SMIM23: variants seen among roughly 807,000 people sequenced by gnomAD.
SMIM23 encodes the protein small integral membrane protein 23.
SMIM23 carries 10 observed loss-of-function variants against 12.8 expected under a neutral mutation model. The ratio of observed to expected loss-of-function variants is 0.78; its 90% CI spans 0.48 to 1.32. The LOEUF (loss-of-function observed/expected upper bound fraction) is 1.32, where lower values mean the gene tolerates loss of function less well. Ranked by LOEUF, SMIM23 falls within the 40% of genes most tolerant of loss-of-function variation. SMIM23 has a pLI of 0.00. For synonymous variants in SMIM23, 78 were observed against 80.1 expected (o/e 0.97, Z 0.14); for missense variants, 184 against 198.2 (o/e 0.93, Z 0.43).
chr5:171,777,839 T>C (rs369139903), upstream of SMIM23, among the ~76,000 whole-genome samples: 7 of 152,222 alleles, frequency 4.6e-5, no homozygotes, highest in East Asian at 9.7e-4. Flanking sequence ...TGACACAGCC[T>C]TGTCTCCCAC....
upstream of SMIM23, among the ~76,000 whole-genome samples, chr5:171,785,651 C>T (rs995334780): frequency 6.6e-6 from 1 of 152,102 alleles, no homozygotes; most frequent in Non-Finnish European, 1.5e-5. Context: ...TCTTTTGATG[C>T]ATTTCTTCCT....
upstream of SMIM23, among the ~76,000 whole-genome samples, chr5:171,780,526 T>A (rs1043207429): frequency 2.0e-5 from 3 of 152,244 alleles, no homozygotes; most frequent in Non-Finnish European, 4.4e-5. Flanking sequence ...GTGACTGTAA[T>A]TCATTACTTT....
Position 171,790,284 on chromosome 5 carries a change from G to C in SMIM23, c.157+3G>C. The C allele has an allele frequency of 6.5e-7, 1 of 1,536,124 alleles. No homozygotes were observed. The highest frequency in any genetic ancestry group is 8.7e-7 in the Non-Finnish European group (1 of 1,146,888). ...GTACTTGAGCACAGAGATATGGGGT[G>C]AGCATTCTGGAATCTGAGAAAGAAG... On this transcript the variant is annotated splice_donor_region_variant and intron_variant, in intron 2 of 3. Transcript: ENST00000523047.
chr5:171,790,177 T>A (rs1370654623), intron 1 of SMIM23, 53 bp from the exon 2 acceptor site: 2 of 1,510,394 alleles, frequency 1.3e-6, no homozygotes, highest in Non-Finnish European at 1.8e-6. Context: ...CAGGGGGACC[T>A]GGAGAGAATT....
upstream of SMIM23, among the ~76,000 whole-genome samples, chr5:171,780,426 C>T (rs1484113784): frequency 6.6e-6 from 1 of 152,170 alleles, no homozygotes; most frequent in Non-Finnish European, 1.5e-5. Context: ...AGCTCTTCCT[C>T]CCTCTCCTCC....
the SMIM23 span, chr5:171,773,939 C>T: frequency 3.0e-5 from 13 of 427,780 alleles, no homozygotes; most frequent in African/African-American, 2.7e-4. Flanking sequence ...GGAGGTGGGG[C>T]TCATGCCAGG....
the SMIM23 span, chr5:171,773,545 T>C: frequency 3.0e-6 from 1 of 331,544 alleles, no homozygotes; most frequent in African/African-American, 2.2e-5. Context: ...TTCCCTCACA[T>C]GGGAGCTGGT....
At chr5:171,776,598 T>G in the SMIM23 span, among the ~76,000 whole-genome samples, 16 of 152,224 alleles carry the variant, frequency 1.1e-4, no homozygotes, top group South Asian at 3.1e-3. Context: ...AGACCACTGA[T>G]AGGGTCTCAG....
At chr5:171,788,157 T>G (rs897463015) in intron 1 of SMIM23, among the ~76,000 whole-genome samples, 1 of 139,960 alleles carries the variant, frequency 7.1e-6, no homozygotes, top group Admixed American at 6.9e-5. Flanking sequence ...TGTCAGTCAA[T>G]ATGCACACAC....
intron 1 of SMIM23, 96 bp from the exon 2 acceptor site, chr5:171,790,134 A>C: frequency 8.1e-7 from 1 of 1,227,272 alleles, no homozygotes; most frequent in Non-Finnish European, 1.2e-6. Flanking sequence ...CTGTCTTATA[A>C]GCATTCCCAT....
In SMIM23 at chr5:171,790,819, C is replaced by T. The variant is rs1477290992; in HGVS notation, c.250C>T (p.Pro84Ser). ...PQGLEYQTNE[P>S]SEEPIKTIRN... ...GGGGCTTGAATATCAGACCAACGAG[C>T]CCTCAGAAGAACCGATAAAGACCAT... The change falls in exon 4 of 4, where the codon CCC (proline) becomes TCC (serine). Residue 84 changes from proline to serine, a missense_variant. Transcript: ENST00000523047. 1 of 1,535,976 alleles carries T rather than the reference C, an allele frequency of 6.5e-7. No homozygotes were observed. The highest frequency in any genetic ancestry group is 1.4e-5 in the African/African-American group (1 of 73,014).
chr5:171,782,152 C>A (rs1755739861), upstream of SMIM23, among the ~76,000 whole-genome samples: 1 of 152,226 alleles, frequency 6.6e-6, no homozygotes, highest in Non-Finnish European at 1.5e-5. Flanking sequence ...GTAACACTCA[C>A]CGTGAGGGTT....
At chr5:171,777,068 TC>T in the SMIM23 span, among the ~76,000 whole-genome samples, 21,949 of 148,054 alleles carry the variant, frequency 0.15, 1,787 homozygotes, top group African/African-American at 0.22. Context: ...TTTTTTTTTT[TC>T]CTTCTTGGCC....
chr5:171,778,980 T>G (rs532988574), upstream of SMIM23, among the ~76,000 whole-genome samples: 2 of 152,262 alleles, frequency 1.3e-5, no homozygotes, highest in African/African-American at 4.8e-5. Context: ...CGTTTCCAAT[T>G]TTAGTTAGCC....
the SMIM23 span, among the ~76,000 whole-genome samples, chr5:171,774,960 G>A: frequency 4.6e-5 from 7 of 152,202 alleles, no homozygotes; most frequent in African/African-American, 1.7e-4. Context: ...GACCCCTGGG[G>A]AAAGGGATGC....
At chr5:171,779,936 C>G (rs1755700543), upstream of SMIM23, among the ~76,000 whole-genome samples, 1 of 152,084 alleles carries the variant, frequency 6.6e-6, no homozygotes, top group African/African-American at 2.4e-5. Context: ...GTTAGTTCAT[C>G]TCGTTTAGCG....
At chr5:171,786,123 C>A in intron 1 of SMIM23, 147 bp downstream of exon 1, 1 of 629,724 alleles carries the variant, frequency 1.6e-6, no homozygotes, top group Non-Finnish European at 2.8e-6. Flanking sequence ...GTTTAGGGGC[C>A]TAGGCACTTC....
At chr5:171,784,153 T>C (rs190447531), upstream of SMIM23, among the ~76,000 whole-genome samples, 6 of 152,070 alleles carry the variant, frequency 3.9e-5, no homozygotes, top group South Asian at 6.2e-4. Flanking sequence ...ATCAGGGAAA[T>C]ACACATTAAA....
At chr5:171,788,160 GCA>G (rs140833166) in intron 1 of SMIM23, among the ~76,000 whole-genome samples, 1 of 133,792 alleles carries the variant, frequency 7.5e-6, no homozygotes. Context: ...CAGTCAATAT[GCA>G]CACACACACA....
Sources: gnomAD v4.1 joint callset for allele counts (sites outside exome capture counted in the v4.1 genomes callset) on GRCh38, gnomAD v4.1.1 for gene constraint, MANE v1.5 for transcripts, NCBI Gene and HGNC (gene_info 2026-07-23, HGNC 2026-07-21) for gene names.